The following KCNAB2 variants were observed in gnomAD, a reference collection of about 807,000 sequenced individuals.
KCNAB2 encodes the protein voltage-gated potassium channel subunit beta-2.
In KCNAB2, 29 loss-of-function variants were observed where a neutral mutation model predicts 63.6. That is an observed-to-expected ratio of 0.46 (90% CI 0.34 to 0.62). The LOEUF (loss-of-function observed/expected upper bound fraction) is 0.62, where lower values mean the gene tolerates loss of function less well. Among genes scored for constraint, KCNAB2 ranks in the 20% least tolerant of loss-of-function variants. The probability of loss-of-function intolerance (pLI) is 0.01; values close to 1 mark genes in which losing one functional copy is unlikely to be tolerated. For synonymous variants in KCNAB2, 222 were observed against 224.2 expected (o/e 0.99, Z 0.09); for missense variants, 359 against 563.9 (o/e 0.64, Z 3.68).
intron 1 of KCNAB2, among the ~76,000 whole-genome samples, chr1:6,002,357 G>C (rs900134373): frequency 2.0e-5 from 3 of 152,260 alleles, no homozygotes; most frequent in African/African-American, 7.2e-5. Context: ...GCCAGAGACA[G>C]CCGTGGCCTC....
chr1:6,050,300 T>C (rs1337328766), intron 1 of KCNAB2, among the ~76,000 whole-genome samples: 1 of 152,208 alleles, frequency 6.6e-6, no homozygotes, highest in South Asian at 2.1e-4. Context: ...ACCTTCTCTC[T>C]CTGGTGATGA....
Position 6,045,912 on chromosome 1 carries a change from C to T in KCNAB2, c.-298C>T, listed in dbSNP as rs1028261279. On this transcript the variant is annotated 5_prime_UTR_variant, in exon 1 of 16. In the 5' UTR this introduces an upstream ATG that the reference lacks. Transcript: ENST00000378083. The surrounding 1 kb of genome is among the most constrained non-coding windows in gnomAD (Gnocchi z 4.8). Reference sequence around the variant, plus strand: ...GAGTCAGCCTTGCCAGGTTGCAGCACGGAACTGCACTTCCCGAGCTTTTAG... The same window carrying T: ...GAGTCAGCCTTGCCAGGTTGCAGCATGGAACTGCACTTCCCGAGCTTTTAG... 16 of 985,318 alleles carry T rather than the reference C, an allele frequency of 1.6e-5. No homozygotes were observed. In the South Asian group the frequency reaches 2.3e-4, roughly 14 times the overall value. The allele number at this position is 985,318 out of a possible 1,614,324, so 61.0% of individuals were successfully genotyped here.
chr1:5,998,931 G>A (rs1041525935), intron 1 of KCNAB2, among the ~76,000 whole-genome samples: 39 of 152,366 alleles, frequency 2.6e-4, no homozygotes, highest in African/African-American at 9.4e-4. Context: ...TGCCGCCAAT[G>A]GCTCTGGAGA....
In KCNAB2 at chr1:6,089,008, G is replaced by A; in HGVS notation, c.471G>A (p.Lys157=). The change falls in exon 8 of 16, where the codon AAG becomes AAA. Residue 157 remains lysine (K), a splice_region_variant and synonymous_variant. Transcript: ENST00000378083. Reference sequence around the variant, plus strand: ...CACACGCGGTCGGCCTGTTTTCCAGGGCGGAGACGGAGCGGGGCCTGTCCA... The same window carrying A: ...CACACGCGGTCGGCCTGTTTTCCAGAGCGGAGACGGAGCGGGGCCTGTCCA... ...VITTKIFWGG[K]AETERGLSRK... is the part of the protein sequence containing the mutation. 1 of 1,548,308 alleles carries A rather than the reference G, an allele frequency of 6.5e-7. No individual in the cohort carries two copies.
intron 2 of KCNAB2, among the ~76,000 whole-genome samples, chr1:6,055,787 G>C (rs1461509608): frequency 1.3e-5 from 2 of 152,128 alleles, no homozygotes; most frequent in East Asian, 3.8e-4. Flanking sequence ...GGTTGACGGG[G>C]TGGGTGGGAT....
At position 6,098,952 on chromosome 1, in the gene KCNAB2, T is replaced by A; in HGVS notation, c.*378T>A. ...AAGGCCAGGCCAAGGCCTGGTTGGG[T>A]CCTTGGGGCGGGCAGGGCCAGCCTC... On this transcript the variant is annotated 3_prime_UTR_variant, in exon 16 of 16. Transcript: ENST00000378083. 1 of 187,402 alleles carries A rather than the reference T, an allele frequency of 5.3e-6. No individual in the cohort carries two copies. Among genetic ancestry groups the A allele is most frequent in the Non-Finnish European group, 1.1e-5 (1 of 90,924 alleles). 11.6% of individuals were successfully genotyped at this position (187,402 alleles called of 1,614,324 possible). A position where few individuals can be genotyped will look rare whatever the true frequency, so the allele number is the denominator to read the frequency against.
chr1:6,017,522 G>A (rs1340944452), intron 1 of KCNAB2, among the ~76,000 whole-genome samples: 1 of 151,984 alleles, frequency 6.6e-6, no homozygotes, highest in East Asian at 1.9e-4. Flanking sequence ...ACCAGGCATG[G>A]GTGGCTCACA....
In KCNAB2 at chr1:6,090,487, G is replaced by A; in HGVS notation, c.601+12G>A. ...CACCCCGATGGAAGGTAGGTGGTCTGCGGCGGCGCCACCGGTTAGGCCTGG... is the reference window on the plus strand; with the variant it reads ...CACCCCGATGGAAGGTAGGTGGTCTACGGCGGCGCCACCGGTTAGGCCTGG... On this transcript the variant is annotated intron_variant, in intron 9 of 15. Transcript: ENST00000378083. 4 of 1,608,208 alleles carry A rather than the reference G, an allele frequency of 2.5e-6. No individual in the cohort carries two copies. The highest frequency in any genetic ancestry group is 3.4e-6 in the Non-Finnish European group (4 of 1,175,556).
At chr1:6,093,715 G>A (rs1309173962) in intron 10 of KCNAB2, among the ~76,000 whole-genome samples, 1 of 152,210 alleles carries the variant, frequency 6.6e-6, no homozygotes, top group Non-Finnish European at 1.5e-5. Context: ...GGGGACAGGC[G>A]GGTTGGGACT....
rs1229454016 is a variant in KCNAB2, at chr1:6,078,189, G to A, written c.301-4006G>A. ...CCCGCATCCCCCAGTCTCTGCCCCT[G>A]TGGATACTCTCCGTCCTCCTCTTCT... On this transcript the variant is annotated intron_variant, in intron 4 of 15. Coordinates refer to ENST00000378083, the MANE Select transcript of KCNAB2 (RefSeq NM_001199862.2). The surrounding 1 kb of genome is among the most constrained non-coding windows in gnomAD (Gnocchi z 4.2). Among the ~76,000 whole-genome samples, 1 of 152,196 alleles carries A rather than the reference G, an allele frequency of 6.6e-6. No individual in the cohort carries two copies. Among genetic ancestry groups the A allele is most frequent in the Non-Finnish European group, 1.5e-5 (1 of 68,034 alleles).
intron 2 of KCNAB2, among the ~76,000 whole-genome samples, chr1:6,056,925 G>A (rs1380106453): frequency 6.6e-6 from 1 of 151,788 alleles, no homozygotes; most frequent in Non-Finnish European, 1.5e-5. Flanking sequence ...TCCTGAGTGA[G>A]TGTCTTCCTC....
At position 6,099,833 on chromosome 1, in the gene KCNAB2, G is replaced by A; in HGVS notation, c.*1259G>A. The A allele has an allele frequency of 1.9e-6, 3 of 1,540,270 alleles. No homozygotes were observed. The highest frequency in any genetic ancestry group is 1.8e-6 in the Non-Finnish European group (2 of 1,141,706). On this transcript the variant is annotated 3_prime_UTR_variant, in exon 16 of 16. Transcript: ENST00000378083. ...CCTGGGACAGGCTGGGCAGAGGGGA[G>A]AGAGGGCAGGACAGGCCAGAGTGAC...
chr1:6,096,243 G>C lies in KCNAB2; in HGVS notation c.949-393G>C, dbSNP rs554759569. On this transcript the variant is annotated intron_variant, in intron 13 of 15. Transcript: ENST00000378083. This position sits in a 1 kb window ranked among gnomAD's most constrained non-coding sequence, Gnocchi z 5.9. ...TCCAGGAGGCCCTGCAATCCTCTGG[G>C]GGGGATGGCCAGGGGAGAGAGCACT... 3 of 436,654 alleles carry C rather than the reference G, an allele frequency of 6.9e-6. No homozygotes were observed. Among genetic ancestry groups the C allele is most frequent in the Admixed American group, 2.6e-5 (1 of 38,436 alleles). The allele number at this position is 436,654 out of a possible 1,614,324, so 27.0% of individuals were successfully genotyped here.
At chr1:6,066,232 G>A (rs72862319) in intron 2 of KCNAB2, among the ~76,000 whole-genome samples, 3,165 of 152,328 alleles carry the variant, frequency 0.021, 120 homozygotes, top group African/African-American at 0.068. Flanking sequence ...AGAGCCTCCC[G>A]TGTGCCGGTG....
rs749514652 is a variant in KCNAB2, at chr1:6,087,440, A to G, written c.426-27A>G. ...ACCCCCCAGGGGCCGGGCTTATCAC[A>G]CCCCTTCTTTCTCTTCTGTTCCACA... On this transcript the variant is annotated intron_variant, in intron 6 of 15. Transcript: ENST00000378083. The surrounding 1 kb of genome is among the most constrained non-coding windows in gnomAD (Gnocchi z 6.4). 7 of 1,612,876 alleles carry G rather than the reference A, an allele frequency of 4.3e-6. No individual in the cohort carries two copies. The highest frequency in any genetic ancestry group is 5.9e-6 in the Non-Finnish European group (7 of 1,179,280).
intron 2 of KCNAB2, among the ~76,000 whole-genome samples, chr1:6,064,647 G>A (rs1251440416): frequency 6.6e-6 from 1 of 152,164 alleles, no homozygotes; most frequent in Non-Finnish European, 1.5e-5. Flanking sequence ...GAGCTCCCGG[G>A]AGGCCAGGGC....
chr1:6,055,027 G>A (rs1044076403), intron 2 of KCNAB2, among the ~76,000 whole-genome samples: 1 of 152,150 alleles, frequency 6.6e-6, no homozygotes, highest in African/African-American at 2.4e-5. Flanking sequence ...CTGGTCTCCT[G>A]CCCCAACAGG....
At chr1:6,088,422 G>A (rs567938592) in intron 7 of KCNAB2, among the ~76,000 whole-genome samples, 110 of 151,488 alleles carry the variant, frequency 7.3e-4, no homozygotes, top group Non-Finnish European at 1.4e-3. Context: ...TTTTATTTTT[G>A]TATTTTGTAG....
At position 6,028,611 on chromosome 1, in the gene KCNAB2, G is replaced by T. The variant is rs1295103; in HGVS notation, c.-52-11906G>T. On this transcript the variant is annotated intron_variant, in intron 1 of 16. Transcript: ENST00000341524. The surrounding 1 kb of genome is among the most constrained non-coding windows in gnomAD (Gnocchi z 4.0). The stretch of plus-strand genomic sequence containing the variant: ...GCTGGTGGCCGCTCTGGGTGCGGGG[G>T]TACATCCGTGAAGGAAAGAGATGAA... Among the ~76,000 whole-genome samples, 13,755 of 152,230 alleles carry T rather than the reference G, an allele frequency of 0.09. 704 individuals carry two copies. The highest frequency in any genetic ancestry group is 0.15 in the Admixed American group (2,288 of 15,300).
Sources: allele counts gnomAD v4.1 joint callset (sites outside exome capture counted in the v4.1 genomes callset), GRCh38; gene constraint gnomAD v4.1.1; non-coding constraint Gnocchi (gnomAD v3.1); transcripts MANE v1.5; gene names NCBI Gene and HGNC (gene_info 2026-07-23, HGNC 2026-07-21).